Variants in PSMC2 observed in about 807,000 individuals in gnomAD.
The protein encoded by PSMC2 is proteasome 26S subunit, ATPase 2.
PSMC2 carries 7 observed loss-of-function variants against 53.3 expected under a neutral mutation model. The ratio of observed to expected loss-of-function variants is 0.13; its 90% CI spans 0.07 to 0.25. PSMC2 has a LOEUF of 0.25. PSMC2 is among the 10% of genes least tolerant of loss of function. The pLI is 1.00. For synonymous variants in PSMC2, 169 were observed against 183.9 expected (o/e 0.92, Z 0.66); for missense variants, 241 against 544.0 (o/e 0.44, Z 5.54).
At chr7:103,366,310 T>C in intron 9 of PSMC2, 147 bp downstream of exon 9, 1 of 666,516 alleles carries the variant, frequency 1.5e-6, no homozygotes, top group South Asian at 2.0e-5. Context: ...ATCTAATAAG[T>C]AGTAGTGCTA....
intron 7 of PSMC2, 82 bp from the exon 8 acceptor site, chr7:103,364,061 T>C: frequency 7.4e-7 from 1 of 1,357,426 alleles, no homozygotes. Flanking sequence ...ATACTAAACA[T>C]AAAAGCACTT....
At position 103,355,686 on chromosome 7, in the gene PSMC2, CTA is replaced by C. The variant is rs1312892282; in HGVS notation, c.191-6_191-5del. ...TTTTAGTAAATTTTGTCATCTTTCT[CTA>C]TGTAGGTATTAAAGAATCTGACACT... is the stretch of plus-strand genomic sequence containing the variant. On this transcript the variant is annotated splice_polypyrimidine_tract_variant and splice_region_variant and intron_variant, in intron 3 of 11. Coordinates refer to ENST00000292644, the MANE Select transcript of PSMC2 (RefSeq NM_002803.4). 6.2e-7 allele frequency: 1 copy of C among 1,605,582 alleles called. No homozygotes were observed. The highest frequency in any genetic ancestry group is 1.1e-5 in the South Asian group (1 of 90,878).
In PSMC2 at chr7:103,367,341, G is replaced by A. The variant is rs1045911858; in HGVS notation, c.845-72G>A. The stretch of plus-strand genomic sequence containing the variant: ...GACATGATTTGAGCTGAGATTTTTG[G>A]TACTTTCAGGTCATGCATAGTGCTA... On this transcript the variant is annotated intron_variant, in intron 9 of 11. Transcript: ENST00000292644. The surrounding 1 kb of genome is among the most constrained non-coding windows in gnomAD (Gnocchi z 6.1). 2.1e-6 allele frequency: 3 copies of A among 1,443,544 alleles called. No individual in the cohort carries two copies. The highest frequency in any genetic ancestry group is 1.9e-6 in the Non-Finnish European group (2 of 1,034,610). 89.4% of individuals were successfully genotyped at this position (1,443,544 alleles called of 1,614,324 possible). A position where few individuals can be genotyped will look rare whatever the true frequency, so the allele number is the denominator to read the frequency against.
chr7:103,354,983 A>C (rs747795185), intron 3 of PSMC2, 34 bp downstream of exon 3: 1 of 1,341,060 alleles, frequency 7.5e-7, no homozygotes, highest in East Asian at 2.3e-5. Flanking sequence ...TCCTTCCTTT[A>C]AATGTAATGT....
chr7:103,365,385 A>C (rs184845527), intron 8 of PSMC2, among the ~76,000 whole-genome samples: 1 of 152,248 alleles, frequency 6.6e-6, no homozygotes, highest in Non-Finnish European at 1.5e-5. Flanking sequence ...TAATCCTAGC[A>C]CTTTGGGAGG....
rs1464488879 is a variant in PSMC2, at chr7:103,368,900, A to G, written c.*846A>G. ...TTCTGGTCTACAGTGAGGTATTTTAAAAATAAAGGTTATATTAGAATCCTC... is the reference window on the plus strand; with the variant it reads ...TTCTGGTCTACAGTGAGGTATTTTAGAAATAAAGGTTATATTAGAATCCTC... On this transcript the variant is annotated 3_prime_UTR_variant, in exon 12 of 12. Coordinates refer to ENST00000292644, the MANE Select transcript of PSMC2 (RefSeq NM_002803.4). 1.4e-5 allele frequency: 2 copies of G among 138,800 alleles called. No individual in the cohort carries two copies. Among genetic ancestry groups the G allele is most frequent in the African/African-American group, 2.7e-5 (1 of 37,236 alleles). The allele number at this position is 138,800 out of a possible 1,614,324, so 8.6% of individuals were successfully genotyped here. A position where few individuals can be genotyped will look rare whatever the true frequency, so the allele number is the denominator to read the frequency against.
intron 4 of PSMC2, among the ~76,000 whole-genome samples, chr7:103,361,284 G>C (rs1439199420): frequency 6.0e-5 from 9 of 150,324 alleles, no homozygotes; most frequent in Non-Finnish European, 1.2e-4. Context: ...GGGATTTCGA[G>C]ACCAGCCTGA....
intron 1 of PSMC2, chr7:103,352,786 G>C: frequency 2.6e-6 from 2 of 776,542 alleles, no homozygotes; most frequent in South Asian, 2.7e-5. Context: ...GAAGTGTTAA[G>C]TGACTTGGCT....
intron 8 of PSMC2, among the ~76,000 whole-genome samples, chr7:103,365,580 G>C (rs1820673482): frequency 6.6e-6 from 1 of 152,298 alleles, no homozygotes; most frequent in East Asian, 1.9e-4. Context: ...ACTGAGCCAA[G>C]ATCGTGCCAT....
At chr7:103,352,894 G>T in intron 1 of PSMC2, 1 of 780,762 alleles carries the variant, frequency 1.3e-6, no homozygotes, top group South Asian at 1.3e-5. Context: ...TTTCCCCTAC[G>T]GTCTCCATCT....
At chr7:103,361,137 A>AT (rs1197044834) in intron 4 of PSMC2, among the ~76,000 whole-genome samples, 2 of 147,582 alleles carry the variant, frequency 1.4e-5, no homozygotes, top group East Asian at 4.0e-4. Flanking sequence ...AGAAAAAAAA[A>AT]CAAGCTTCTA....
At position 103,352,925 on chromosome 7, in the gene PSMC2, A is replaced by C. The variant is rs756358290; in HGVS notation, c.71-996A>C. ...CATCTTCTGGTCATCTCTGTATGAA[A>C]GCTGAAACAAGAGGGTAGAGTGACT... On this transcript the variant is annotated intron_variant, in intron 1 of 11. Coordinates refer to ENST00000292644, the MANE Select transcript of PSMC2 (RefSeq NM_002803.4). 3.8e-6 allele frequency: 3 copies of C among 780,948 alleles called. No individual in the cohort carries two copies. The South Asian group carries it at 4.0e-5, about 10-fold the overall frequency. The allele number at this position is 780,948 out of a possible 1,614,324, so 48.4% of individuals were successfully genotyped here.
chr7:103,358,748 ACATTTTTC>A (rs1404020742), intron 4 of PSMC2, among the ~76,000 whole-genome samples: 2 of 152,110 alleles, frequency 1.3e-5, no homozygotes, highest in African/African-American at 4.8e-5. Context: ...AAATCTAGGT[ACATTTTTC>A]TAGGCCGTAT....
chr7:103,362,283 A>C, intron 5 of PSMC2, 195 bp downstream of exon 5: 2 of 1,397,974 alleles, frequency 1.4e-6, no homozygotes, highest in Non-Finnish European at 1.8e-6. Flanking sequence ...TGACTCCCCT[A>C]CTCCCACTGT....
intron 4 of PSMC2, among the ~76,000 whole-genome samples, chr7:103,360,854 G>A (rs1380239714): frequency 2.6e-5 from 4 of 152,216 alleles, no homozygotes; most frequent in Admixed American, 1.3e-4. Context: ...GCTCACGCCT[G>A]TAATCCCAGC....
At chr7:103,362,483 G>A in intron 5 of PSMC2, 1 of 1,397,700 alleles carries the variant, frequency 7.2e-7, no homozygotes, top group South Asian at 1.6e-5. Context: ...AGGTTTGATT[G>A]CTGTTGGATA....
Position 103,364,314 on chromosome 7 carries a change from T to C in PSMC2, c.756+7T>C. On this transcript the variant is annotated splice_region_variant and intron_variant, in intron 8 of 11. Coordinates refer to ENST00000292644, the MANE Select transcript of PSMC2 (RefSeq NM_002803.4). ...ACAGAAATACGTCGGTGAGGTAAAGTAAATTTATCAAAGAATATATAGCCT... is the reference window on the plus strand; with the variant it reads ...ACAGAAATACGTCGGTGAGGTAAAGCAAATTTATCAAAGAATATATAGCCT... The C allele has an allele frequency of 6.2e-7, 1 of 1,613,640 alleles. No homozygotes were observed. Among genetic ancestry groups the C allele is most frequent in the African/African-American group, 1.3e-5 (1 of 75,052 alleles).
Position 103,367,739 on chromosome 7 carries a change from C to T in PSMC2, c.1074C>T (p.His358=), listed in dbSNP as rs144431266. The change falls in exon 11 of 12, where the codon CAC becomes CAT. Residue 358 remains histidine, a synonymous_variant. Transcript: ENST00000292644. This position sits in a 1 kb window ranked among gnomAD's most constrained non-coding sequence, Gnocchi z 6.1. ...GTCGGACCCACATATTTAAGATTCA[C>T]GCTCGTTCAATGAGTGTTGAAAGAG... The part of the protein sequence containing the change: ...LEGRTHIFKI[H]ARSMSVERDI... 1.7e-4 allele frequency: 267 copies of T among 1,613,760 alleles called. No homozygotes were observed. The East Asian group carries it at 4.2e-3, about 25-fold the overall frequency.
In PSMC2 at chr7:103,354,875, G is replaced by A. The variant is rs753258999; in HGVS notation, c.116G>A (p.Ser39Asn). ...CTGACCTTCATCACCTAGGGTCAGA[G>A]CACTTACTCTAGGCAGATCAAGCAA... is the stretch of plus-strand genomic sequence containing the variant. ...DIALLKTYGQ[S>N]TYSRQIKQVE... The change falls in exon 3 of 12, where the codon AGC becomes AAC. Residue 39 changes from serine to asparagine, a missense_variant. Ser to Asn is a conservative substitution (Grantham distance 46). This residue lies in a region of PSMC2 where 70 missense variants were observed against 57.9 expected (regional missense o/e 1.21). Transcript: ENST00000292644. The A allele has an allele frequency of 1.2e-5, 20 of 1,611,590 alleles. No individual in the cohort carries two copies. The highest frequency in any genetic ancestry group is 1.6e-5 in the Non-Finnish European group (19 of 1,177,952).
Sources: allele counts gnomAD v4.1 joint callset (sites outside exome capture counted in the v4.1 genomes callset), GRCh38; gene constraint gnomAD v4.1.1; regional missense constraint gnomAD v4.1.1; non-coding constraint Gnocchi (gnomAD v3.1); transcripts MANE v1.5; gene names NCBI Gene and HGNC (gene_info 2026-07-23, HGNC 2026-07-21).